Variants in ZP3 observed in about 807,000 individuals in gnomAD.
ZP3 encodes the protein zona pellucida glycoprotein 3, also known as zona pellucida sperm-binding protein 3.
Under a neutral mutation model 35.6 loss-of-function variants are expected in ZP3, and 21 were observed. The ratio of observed to expected loss-of-function variants is 0.59; its 90% CI spans 0.42 to 0.85. ZP3 has a LOEUF of 0.85. Ranked by LOEUF, ZP3 falls within the 40% of genes least tolerant of loss-of-function variation. The pLI, the probability that ZP3 is intolerant of heterozygous loss-of-function variation, is 0.00. For synonymous variants in ZP3, 207 were observed against 214.5 expected (o/e 0.96, Z 0.31); for missense variants, 437 against 536.5 (o/e 0.81, Z 1.83).
chr7:76,425,091 C>T lies in ZP3; in HGVS notation c.127C>T (p.Leu43=), dbSNP rs1313416232. The T allele has an allele frequency of 6.2e-7, 1 of 1,613,836 alleles. No individual in the cohort carries two copies. The change falls in exon 1 of 8, where the codon CTG becomes TTG. Residue 43 remains leucine (L), a synonymous_variant. Coordinates refer to ENST00000394857, the MANE Select transcript of ZP3 (RefSeq NM_001110354.2). ...TCCTGAGACGTCCGTACAGCCCGTA[C>T]TGGTGGAGTGTCAGGAGGCCACTCT... ...SHPETSVQPV[L]VECQEATLMV...
chr7:76,425,353 G>A (rs1805620338), intron 1 of ZP3, 77 bp downstream of exon 1: 11 of 1,455,600 alleles, frequency 7.6e-6, no homozygotes, highest in African/African-American at 1.4e-5. Flanking sequence ...GGCCACCATC[G>A]GTGGGAGGTG....
intron 1 of ZP3, chr7:76,404,572 G>C (rs1804938851): frequency 2.2e-6 from 3 of 1,364,352 alleles, no homozygotes; most frequent in Admixed American, 1.8e-5. Flanking sequence ...TGGGAGGATT[G>C]CTTGCACCCA....
At chr7:76,399,102 C>T (rs1444483689) in intron 1 of ZP3, among the ~76,000 whole-genome samples, 2 of 152,108 alleles carry the variant, frequency 1.3e-5, no homozygotes, top group Non-Finnish European at 2.9e-5. Context: ...ACCTCCGCCT[C>T]CCTGGTTAAA....
chr7:76,400,068 T>C (rs1804765575), intron 1 of ZP3, among the ~76,000 whole-genome samples: 1 of 152,150 alleles, frequency 6.6e-6, no homozygotes, highest in South Asian at 2.1e-4. Context: ...GAAGCAGTAG[T>C]GCTGGTTTTC....
chr7:76,413,932 G>A (rs530279678), intron 1 of ZP3, among the ~76,000 whole-genome samples: 2 of 151,718 alleles, frequency 1.3e-5, no homozygotes, highest in South Asian at 2.1e-4. Context: ...CTCCCAAAGT[G>A]CTGGGATTAT....
chr7:76,415,743 C>A (rs958261865), intron 1 of ZP3, among the ~76,000 whole-genome samples: 7 of 151,690 alleles, frequency 4.6e-5, no homozygotes, highest in Non-Finnish European at 1.0e-4. Context: ...GATCCACCCG[C>A]CTCGGCCTCC....
rs765244181 is a variant in ZP3, at chr7:76,433,567, G to A, written c.633G>A (p.Arg211=). The A allele has an allele frequency of 6.2e-7, 1 of 1,614,198 alleles. No homozygotes were observed. The highest frequency in any genetic ancestry group is 8.5e-7 in the Non-Finnish European group (1 of 1,180,040). Reference sequence around the variant, plus strand: ...ACACTGGCAGCCACGTGCCACTGCGGTTGTTTGTGGACCACTGCGTGGCCA... The same window carrying A: ...ACACTGGCAGCCACGTGCCACTGCGATTGTTTGTGGACCACTGCGTGGCCA... ...EIHTGSHVPL[R]LFVDHCVATP... is the part of the protein sequence containing the mutation. Residue 211 remains arginine, a synonymous_variant, in exon 4 of 8, where the codon CGG becomes CGA. Coordinates refer to ENST00000394857, the MANE Select transcript of ZP3 (RefSeq NM_001110354.2).
intron 1 of ZP3, among the ~76,000 whole-genome samples, chr7:76,414,281 G>A (rs10252572): frequency 0.013 from 1,959 of 152,236 alleles, 37 homozygotes; most frequent in African/African-American, 0.037. Flanking sequence ...ACAGGTGTGA[G>A]CCACTGCACC....
At chr7:76,419,240 G>C (rs1805448956) in intron 1 of ZP3, among the ~76,000 whole-genome samples, 1 of 152,258 alleles carries the variant, frequency 6.6e-6, no homozygotes, top group South Asian at 2.1e-4. Flanking sequence ...TTGGAGGGTA[G>C]GGTCTTATTT....
chr7:76,429,452 T>G (rs1805765777), intron 1 of ZP3, 63 bp from the exon 2 acceptor site: 2 of 1,532,074 alleles, frequency 1.3e-6, no homozygotes, highest in Non-Finnish European at 1.8e-6. Flanking sequence ...AGCACTCAGG[T>G]ATGGCTTGGG....
chr7:76,440,001 C>G (rs755435345), intron 5 of ZP3: 2 of 443,628 alleles, frequency 4.5e-6, no homozygotes, highest in African/African-American at 4.0e-5. Flanking sequence ...GTACCCACCA[C>G]CACGCCCAGC....
At chr7:76,411,776 A>G (rs946445556) in intron 1 of ZP3, among the ~76,000 whole-genome samples, 1 of 152,194 alleles carries the variant, frequency 6.6e-6, no homozygotes, top group African/African-American at 2.4e-5. Flanking sequence ...CACCATATGA[A>G]CTAGCAATTG....
chr7:76,440,670 G>A (rs753014503), intron 7 of ZP3, 59 bp downstream of exon 7: 10 of 1,552,740 alleles, frequency 6.4e-6, no homozygotes, highest in Non-Finnish European at 7.8e-6. Context: ...GAGGGTACCT[G>A]CTGTCATTTC....
chr7:76,397,558 G>T (rs1352005328), exon 1 of ZP3: 2 of 1,603,338 alleles, frequency 1.2e-6, no homozygotes, highest in South Asian at 2.2e-5. Flanking sequence ...GGCCGCAGTT[G>T]TGCACACCCC....
intron 1 of ZP3, among the ~76,000 whole-genome samples, chr7:76,414,252 G>A (rs930226606): frequency 6.6e-5 from 10 of 150,886 alleles, no homozygotes; most frequent in East Asian, 5.8e-4. Context: ...CTGCCTTAGC[G>A]TCCCAAAGTG....
At chr7:76,432,192 TTTTC>T (rs1220920820) in intron 2 of ZP3, among the ~76,000 whole-genome samples, 75 of 148,040 alleles carry the variant, frequency 5.1e-4, no homozygotes, top group African/African-American at 1.8e-3. Context: ...TTTTCTTTTC[TTTTC>T]TTTTTTTTTT....
At chr7:76,435,501 G>A (rs543945072) in intron 5 of ZP3, among the ~76,000 whole-genome samples, 10 of 152,366 alleles carry the variant, frequency 6.6e-5, no homozygotes, top group Non-Finnish European at 1.0e-4. Flanking sequence ...GTGAGGCGGT[G>A]AGCTTAGAAT....
At chr7:76,406,579 G>T (rs1412299026) in intron 1 of ZP3, among the ~76,000 whole-genome samples, 2 of 151,710 alleles carry the variant, frequency 1.3e-5, no homozygotes, top group Non-Finnish European at 2.9e-5. Context: ...CCTATCCTGG[G>T]CTCAAAGGAT....
Position 76,424,955 on chromosome 7 carries a change from T to C in ZP3, c.-10T>C. ...GGCCAGAGGCGGCTGCCTGCTGCTC[T>C]GCAGGTACCATGGAGCTGAGCTATA... is the stretch of plus-strand genomic sequence containing the variant. On this transcript the variant is annotated 5_prime_UTR_variant, in exon 1 of 8. Coordinates refer to ENST00000394857, the MANE Select transcript of ZP3 (RefSeq NM_001110354.2). The C allele has an allele frequency of 6.6e-7, 1 of 1,520,852 alleles. No homozygotes were observed. Among genetic ancestry groups the C allele is most frequent in the Non-Finnish European group, 8.8e-7 (1 of 1,133,220 alleles). The allele number at this position is 1,520,852 out of a possible 1,614,324, so 94.2% of individuals were successfully genotyped here.
Sources: allele counts gnomAD v4.1 joint callset (sites outside exome capture counted in the v4.1 genomes callset), GRCh38; gene constraint gnomAD v4.1.1; transcripts MANE v1.5; gene names NCBI Gene and HGNC (gene_info 2026-07-23, HGNC 2026-07-21).